WDR19: variants seen among roughly 807,000 people sequenced by gnomAD.
WDR19 encodes WD repeat-containing protein 19.
In WDR19, 121 loss-of-function variants were observed where a neutral mutation model predicts 180.0. That is an observed-to-expected ratio of 0.67 (90% CI 0.58 to 0.78). The LOEUF (loss-of-function observed/expected upper bound fraction) is 0.78, where lower values mean the gene tolerates loss of function less well. WDR19 is among the 30% of genes least tolerant of loss of function. The pLI is 0.00. For missense variants in WDR19, 1,450 were observed against 1,640.7 expected (o/e 0.88, Z 2.01); for synonymous variants, 497 against 540.7 (o/e 0.92, Z 1.12).
rs1191216627 is a variant in WDR19, at chr4:39,285,615, AC to A, written c.*143del. On this transcript the variant is annotated 3_prime_UTR_variant, in exon 37 of 37. Coordinates refer to ENST00000399820, the MANE Select transcript of WDR19 (RefSeq NM_025132.4). The stretch of plus-strand genomic sequence containing the variant: ...TGACCTCTCCAGGTCGGCACTTTCC[AC>A]TTCTGTACGGTGGCAAAACGATGAC... 3 of 152,194 alleles carry A rather than the reference AC, an allele frequency of 2.0e-5. No individual in the cohort carries two copies. Among genetic ancestry groups the A allele is most frequent in the African/African-American group, 7.2e-5 (3 of 41,450 alleles). The allele number at this position is 152,194 out of a possible 1,614,324, so 9.4% of individuals were successfully genotyped here.
chr4:39,231,592 A>G (rs1225227672), intron 17 of WDR19, among the ~76,000 whole-genome samples: 1 of 152,230 alleles, frequency 6.6e-6, no homozygotes, highest in Non-Finnish European at 1.5e-5. Context: ...TCAGATTAAT[A>G]AAAGAAATTT....
At chr4:39,183,249 G>GTTTTTTTTTTTT (rs1345010491) in intron 1 of WDR19, among the ~76,000 whole-genome samples, 3 of 22,716 alleles carry the variant, frequency 1.3e-4, no homozygotes, top group East Asian at 1.0e-3. Context: ...GAAATGGAAG[G>GTTTTTTTTTTTT]CTTTTTTTTT....
chr4:39,247,245 G>A (rs548309776), intron 24 of WDR19, among the ~76,000 whole-genome samples: 20 of 151,934 alleles, frequency 1.3e-4, no homozygotes, highest in Admixed American at 1.2e-3. Flanking sequence ...AGGCAAACAG[G>A]GTCTGGAGTG....
chr4:39,247,526 A>G (rs543447503), intron 24 of WDR19, among the ~76,000 whole-genome samples: 3 of 152,314 alleles, frequency 2.0e-5, no homozygotes, highest in Admixed American at 2.0e-4. Flanking sequence ...ACGAGTTGAG[A>G]GAGGAAGGCT....
In WDR19 at chr4:39,217,972, T is replaced by A. The variant is rs767682641; in HGVS notation, c.1357-11T>A. On this transcript the variant is annotated splice_polypyrimidine_tract_variant and intron_variant, in intron 13 of 36. Coordinates refer to ENST00000399820, the MANE Select transcript of WDR19 (RefSeq NM_025132.4). ...TAAATCTGTGAGCCATTATTATTCT[T>A]TACGTTTTAGATAGAAAGCGAAATC... is the stretch of plus-strand genomic sequence containing the variant. The A allele has an allele frequency of 5.6e-6, 9 of 1,613,194 alleles. No individual in the cohort carries two copies. The highest frequency in any genetic ancestry group is 7.6e-6 in the Non-Finnish European group (9 of 1,179,632).
At chr4:39,211,779 T>G (rs7685619) in intron 9 of WDR19, among the ~76,000 whole-genome samples, 68,522 of 151,952 alleles carry the variant, frequency 0.45, 18,609 homozygotes, top group East Asian at 0.62. Flanking sequence ...CCCAAATAAA[T>G]AGAGAGATAT....
At position 39,189,695 on chromosome 4, in the gene WDR19, C is replaced by T. The variant is rs1428885579; in HGVS notation, c.204C>T (p.Val68=). The T allele has an allele frequency of 6.2e-7, 1 of 1,611,688 alleles. No homozygotes were observed. Among genetic ancestry groups the T allele is most frequent in the Non-Finnish European group, 8.5e-7 (1 of 1,179,142 alleles). Reference sequence around the variant, plus strand: ...TGGATTGGGATAAAGATGGAGATGTCCTAGCAGTGATTGCTGAGAAATCTA... The same window carrying T: ...TGGATTGGGATAAAGATGGAGATGTTCTAGCAGTGATTGCTGAGAAATCTA... ...VAMDWDKDGD[V]LAVIAEKSSC... The change falls in exon 4 of 37, where the codon GTC becomes GTT. Residue 68 remains valine, a synonymous_variant. Coordinates refer to ENST00000399820, the MANE Select transcript of WDR19 (RefSeq NM_025132.4).
Position 39,194,659 on chromosome 4 carries a change from G to A in WDR19, c.406G>A (p.Gly136Arg). The change falls in exon 5 of 37, where the codon GGA (glycine) becomes AGA (arginine). Residue 136 changes from glycine (G) to arginine (R), a missense_variant and splice_region_variant. Gly to Arg is a moderately radical substitution (Grantham distance 125, BLOSUM62 -2). Transcript: ENST00000399820. The part of the protein sequence containing the change: ...HQTSRKIPVL[G>R]KHTKRITCGC... ...GACATCTCGAAAGATTCCTGTCCTT[G>A]GTAGGTGATAGCTGGAAACACTGCT... The A allele has an allele frequency of 6.3e-7, 1 of 1,593,230 alleles. No individual in the cohort carries two copies. Among genetic ancestry groups the A allele is most frequent in the Non-Finnish European group, 8.6e-7 (1 of 1,163,042 alleles).
At chr4:39,204,564 A>T (rs1175041024) in intron 7 of WDR19, among the ~76,000 whole-genome samples, 1 of 152,258 alleles carries the variant, frequency 6.6e-6, no homozygotes. Context: ...TAATTAAGGA[A>T]ATACATGATA....
chr4:39,234,915 G>T, intron 20 of WDR19, 40 bp downstream of exon 20: 2 of 1,278,470 alleles, frequency 1.6e-6, no homozygotes, highest in South Asian at 2.6e-5. Context: ...AGTAGCTAAT[G>T]ACTGCAAATA....
chr4:39,214,773 AT>A (rs372720511), intron 10 of WDR19, 102 bp downstream of exon 10: 85,789 of 492,860 alleles, frequency 0.17, 29 homozygotes, highest in East Asian at 0.22. Context: ...AGGAGGAATA[AT>A]TTTTTTTTTT....
chr4:39,190,654 C>G (rs1663944607), intron 4 of WDR19, among the ~76,000 whole-genome samples: 1 of 152,184 alleles, frequency 6.6e-6, no homozygotes, highest in Non-Finnish European at 1.5e-5. Context: ...CCAGAGAAAG[C>G]AAGGCAGTCA....
chr4:39,215,702 T>TAA, intron 10 of WDR19, 139 bp from the exon 11 acceptor site: 118 of 737,886 alleles, frequency 1.6e-4, no homozygotes, highest in South Asian at 2.8e-4. Flanking sequence ...TTTCCTAGTC[T>TAA]AAAAAAAAAA....
intron 17 of WDR19, among the ~76,000 whole-genome samples, chr4:39,229,743 ACT>A (rs1730647581): frequency 6.6e-6 from 1 of 151,900 alleles, no homozygotes; most frequent in South Asian, 2.1e-4. Context: ...TATGAAGCTG[ACT>A]CTAAAATCTG....
chr4:39,267,989 T>A lies in WDR19; in HGVS notation c.3262-6T>A. ...AGTAATGTTTCTATAATGGTTTATG[T>A]GTCAGGATGCCAAGTACCTGTTCCG... On this transcript the variant is annotated splice_region_variant and splice_polypyrimidine_tract_variant and intron_variant, in intron 29 of 36. Coordinates refer to ENST00000399820, the MANE Select transcript of WDR19 (RefSeq NM_025132.4). 1 of 1,595,962 alleles carries A rather than the reference T, an allele frequency of 6.3e-7. No individual in the cohort carries two copies. The highest frequency in any genetic ancestry group is 8.5e-7 in the Non-Finnish European group (1 of 1,170,724).
chr4:39,256,423 G>C (rs1181384839), intron 27 of WDR19, among the ~76,000 whole-genome samples: 1 of 152,172 alleles, frequency 6.6e-6, no homozygotes, highest in Non-Finnish European at 1.5e-5. Context: ...ACAGGGTAGG[G>C]ACTACTGAAT....
rs190322137 is a variant in WDR19 at position 39,283,361 on chromosome 4, G to A, written c.*14-2126G>A. Among the ~76,000 whole-genome samples, 5 of 149,858 alleles carry A rather than the reference G, an allele frequency of 3.3e-5. No individual in the cohort carries two copies. The East Asian group carries it at 9.7e-4, about 29-fold the overall frequency. On this transcript the variant is annotated intron_variant, in intron 36 of 36. Transcript: ENST00000399820. The stretch of plus-strand genomic sequence containing the variant: ...GAGAATATTGTGTCTGTGTTCATGG[G>A]GGATACTGGTCTACAATTTTCCTCT...
At chr4:39,212,331 C>G (rs1728630924) in intron 9 of WDR19, among the ~76,000 whole-genome samples, 1 of 152,156 alleles carries the variant, frequency 6.6e-6, no homozygotes, top group South Asian at 2.1e-4. Context: ...AAAATTCACT[C>G]ATGGACTTAA....
At chr4:39,228,737 A>AT (rs774767285) in intron 17 of WDR19, 47 bp downstream of exon 17, 7 of 1,471,514 alleles carry the variant, frequency 4.8e-6, no homozygotes, top group South Asian at 1.5e-5. Context: ...TGCTTTTGTG[A>AT]TTTTAAAGGT....
Sources: allele counts gnomAD v4.1 joint callset (sites outside exome capture counted in the v4.1 genomes callset), GRCh38; gene constraint gnomAD v4.1.1; transcripts MANE v1.5; gene names NCBI Gene and HGNC (gene_info 2026-07-23, HGNC 2026-07-21).